The following ANKS1B variants were observed in gnomAD, a reference collection of about 807,000 sequenced individuals.
The protein encoded by ANKS1B is ankyrin repeat and sterile alpha motif domain-containing protein 1B.
A neutral mutation model predicts 148.3 loss-of-function variants in ANKS1B; 36 were observed. The observed-to-expected ratio is 0.24, with a 90% CI of 0.19 to 0.32. ANKS1B has a LOEUF of 0.32. Among genes scored for constraint, ANKS1B ranks in the 10% least tolerant of loss-of-function variants. ANKS1B has a pLI of 1.00. For missense variants in ANKS1B, 1,157 were observed against 1,542.6 expected, an observed-to-expected ratio of 0.75 and a Z score of 4.19; for synonymous variants, 542 against 560.8, an observed-to-expected ratio of 0.97 and a Z score of 0.47.
chr12:98,981,976 T>TA (rs2099911610), intron 17 of ANKS1B, among the ~76,000 whole-genome samples: 1 of 152,164 alleles, frequency 6.6e-6, no homozygotes, highest in South Asian at 2.1e-4. Flanking sequence ...ATGGCTACTT[T>TA]ATAAAGGACA....
At chr12:98,813,851 G>A (rs1047843761) in intron 19 of ANKS1B, among the ~76,000 whole-genome samples, 20 of 151,040 alleles carry the variant, frequency 1.3e-4, no homozygotes, top group Non-Finnish European at 2.5e-4. Context: ...CACCGCACCT[G>A]GCCAAATTAA....
intron 9 of ANKS1B, among the ~76,000 whole-genome samples, chr12:99,524,657 A>G (rs750058636): frequency 1.2e-4 from 19 of 152,194 alleles, no homozygotes; most frequent in Non-Finnish European, 1.2e-4. Flanking sequence ...AAGAAGTTTA[A>G]TGGACTCACA....
At chr12:98,993,349 A>T (rs2099927771) in intron 17 of ANKS1B, among the ~76,000 whole-genome samples, 1 of 152,036 alleles carries the variant, frequency 6.6e-6, no homozygotes, top group Non-Finnish European at 1.5e-5. Flanking sequence ...TTGTATTTTT[A>T]GTAGTGATGG....
At chr12:98,850,271 A>G (rs169296) in intron 17 of ANKS1B, among the ~76,000 whole-genome samples, 62,665 of 151,974 alleles carry the variant, frequency 0.41, 15,207 homozygotes, top group South Asian at 0.63. Context: ...ATATCCCACA[A>G]TTGGAGACTT....
At chr12:99,854,431 T>C (rs1414723530) in intron 1 of ANKS1B, among the ~76,000 whole-genome samples, 1 of 152,206 alleles carries the variant, frequency 6.6e-6, no homozygotes, top group Non-Finnish European at 1.5e-5. Flanking sequence ...ATAATTGGTG[T>C]TCCCAAGGAA....
At chr12:99,407,388 T>C (rs926605782) in intron 11 of ANKS1B, among the ~76,000 whole-genome samples, 2 of 145,812 alleles carry the variant, frequency 1.4e-5, no homozygotes, top group Non-Finnish European at 3.0e-5. Flanking sequence ...GTAAAAGCCA[T>C]GTACAACAGA....
chr12:98,978,552 T>C (rs1358167333), intron 17 of ANKS1B, among the ~76,000 whole-genome samples: 1 of 152,102 alleles, frequency 6.6e-6, no homozygotes, highest in African/African-American at 2.4e-5. Context: ...GGGCTTAGAG[T>C]ACTCACATAA....
chr12:99,180,705 C>G (rs935726903), intron 14 of ANKS1B, among the ~76,000 whole-genome samples: 1 of 150,160 alleles, frequency 6.7e-6, no homozygotes, highest in East Asian at 2.0e-4. Context: ...ATTGAAAGCA[C>G]CATGGGATAA....
chr12:99,278,869 A>T (rs555154427), intron 12 of ANKS1B, among the ~76,000 whole-genome samples: 2 of 152,374 alleles, frequency 1.3e-5, no homozygotes, highest in South Asian at 2.1e-4. Flanking sequence ...TTAAATATTT[A>T]AAAATATCTA....
chr12:99,360,489 T>C (rs992295884), intron 12 of ANKS1B, among the ~76,000 whole-genome samples: 12 of 152,146 alleles, frequency 7.9e-5, no homozygotes, highest in African/African-American at 2.2e-4. Flanking sequence ...AGCTTCTCTG[T>C]GGACAAAGTA....
chr12:99,049,222 TC>T (rs1568559702), intron 17 of ANKS1B: 1 of 152,152 alleles, frequency 6.6e-6, no homozygotes, highest in East Asian at 1.9e-4. Context: ...TCCCCATTCC[TC>T]CCCTGCAATT....
intron 14 of ANKS1B, among the ~76,000 whole-genome samples, chr12:99,242,254 C>A (rs550867196): frequency 3.3e-5 from 5 of 152,210 alleles, no homozygotes; most frequent in Middle Eastern, 3.4e-3. Context: ...CAATAATAGA[C>A]AAACAGAAAG....
At chr12:99,143,519 G>A (rs577557591) in intron 15 of ANKS1B, among the ~76,000 whole-genome samples, 2 of 152,040 alleles carry the variant, frequency 1.3e-5, no homozygotes, top group African/African-American at 4.8e-5. Context: ...GTTTTCTTGT[G>A]GATAAAAATC....
At chr12:99,816,913 T>G (rs2069255412) in intron 2 of ANKS1B, among the ~76,000 whole-genome samples, 1 of 151,674 alleles carries the variant, frequency 6.6e-6, no homozygotes, top group African/African-American at 2.4e-5. Context: ...ACATAATAGT[T>G]GTATATATTT....
intron 10 of ANKS1B, among the ~76,000 whole-genome samples, chr12:99,471,271 C>A (rs2152903364): frequency 6.6e-6 from 1 of 151,974 alleles, no homozygotes; most frequent in South Asian, 2.1e-4. Flanking sequence ...AATTTAAGGA[C>A]ATTTTTGTTG....
In ANKS1B at chr12:99,222,007, A is replaced by C. The variant is rs189821636; in HGVS notation, c.2419+22335T>G. Among the ~76,000 whole-genome samples the C allele has an allele frequency of 6.8e-4, 104 of 152,296 alleles. 1 individual carries two copies. Among genetic ancestry groups the C allele is most frequent in the Admixed American group, 6.7e-3 (102 of 15,300 alleles). ...TGCAGGCACATAAAACATTCACACA[A>C]CTAAATACCAGAAAGTGCTCTATGT... On this transcript the variant is annotated intron_variant, in intron 14 of 26. Coordinates refer to ENST00000683438, the MANE Select transcript of ANKS1B (RefSeq NM_001352186.2).
chr12:98,802,594 C>CT (rs397850118), intron 20 of ANKS1B, among the ~76,000 whole-genome samples: 461 of 34,770 alleles, frequency 0.013, 132 homozygotes, highest in African/African-American at 0.034. Flanking sequence ...AATGCACAGG[C>CT]TTTTTTTTTT....
intron 22 of ANKS1B, among the ~76,000 whole-genome samples, chr12:98,782,854 A>T (rs1278565648): frequency 2.7e-5 from 4 of 149,626 alleles, no homozygotes; most frequent in Non-Finnish European, 5.9e-5. Context: ...ATGAAAATAA[A>T]ATATAAGGTT....
intron 17 of ANKS1B, among the ~76,000 whole-genome samples, chr12:98,920,753 A>G (rs2099800346): frequency 6.6e-6 from 1 of 152,210 alleles, no homozygotes. Flanking sequence ...TACCTCATCA[A>G]CTTCTTCTAG....
Sources: allele counts gnomAD v4.1 joint callset (sites outside exome capture counted in the v4.1 genomes callset), GRCh38; gene constraint gnomAD v4.1.1; transcripts MANE v1.5; gene names NCBI Gene and HGNC (gene_info 2026-07-23, HGNC 2026-07-21).